Variants in CTSK observed in about 807,000 individuals in gnomAD.
CTSK encodes the protein cathepsin O.
A neutral mutation model predicts 40.5 loss-of-function variants in CTSK; 26 were observed. That is an observed-to-expected ratio of 0.64 (90% CI 0.47 to 0.89). The LOEUF (loss-of-function observed/expected upper bound fraction) is 0.89, where lower values mean the gene tolerates loss of function less well. Ranked by LOEUF, CTSK falls within the 40% of genes least tolerant of loss-of-function variation. CTSK has a pLI of 0.00. For synonymous variants in CTSK, 132 were observed against 143.2 expected (o/e 0.92, Z 0.56); for missense variants, 292 against 400.1 (o/e 0.73, Z 2.30).
At chr1:150,806,617 T>G in intron 2 of CTSK, 69 bp downstream of exon 2, 1 of 1,600,948 alleles carries the variant, frequency 6.2e-7, no homozygotes, top group Non-Finnish European at 8.5e-7. Context: ...AAGAAGGGAG[T>G]CTGGAAGCTA....
In CTSK at chr1:150,799,720, C is replaced by T. The variant is rs748344653; in HGVS notation, c.619-11G>A. ...CATACAACTCTCTTCCTGGAAGAAA[C>T]AAGATTGTAATAGGACTAGGACAAA... On this transcript the variant is annotated splice_polypyrimidine_tract_variant and intron_variant, in intron 5 of 7. Coordinates refer to ENST00000271651, the MANE Select transcript of CTSK (RefSeq NM_000396.4). 6.2e-7 allele frequency: 1 copy of T among 1,613,766 alleles called. No homozygotes were observed. The highest frequency in any genetic ancestry group is 8.5e-7 in the Non-Finnish European group (1 of 1,179,850).
At chr1:150,804,339 G>A (rs950348980) in intron 4 of CTSK, 100 bp from the exon 5 acceptor site, 14 of 939,474 alleles carry the variant, frequency 1.5e-5, no homozygotes, top group Non-Finnish European at 2.4e-5. Flanking sequence ...AAAAATTTCA[G>A]CACAAATGTT....
intron 4 of CTSK, among the ~76,000 whole-genome samples, chr1:150,805,604 ACTCCATC>A (rs1293711704): frequency 1.4e-5 from 2 of 139,784 alleles, no homozygotes; most frequent in Non-Finnish European, 3.0e-5. Context: ...GCACCACTGC[ACTCCATC>A]CTGGGCGACA....
chr1:150,806,328 T>C (rs202078506), intron 2 of CTSK, 104 bp from the exon 3 acceptor site: 2 of 1,354,688 alleles, frequency 1.5e-6, no homozygotes, highest in African/African-American at 1.5e-5. Context: ...CATAAAAGTT[T>C]ACAGTTTAGT....
chr1:150,797,258 AG>A (rs1489432049), intron 7 of CTSK, among the ~76,000 whole-genome samples: 1 of 152,176 alleles, frequency 6.6e-6, no homozygotes, highest in Non-Finnish European at 1.5e-5. Flanking sequence ...GCTGAAAAGC[AG>A]TGTGCCTAAC....
At chr1:150,802,233 G>A (rs587744882) in intron 5 of CTSK, among the ~76,000 whole-genome samples, 30 of 147,150 alleles carry the variant, frequency 2.0e-4, no homozygotes, top group Middle Eastern at 3.6e-3. Flanking sequence ...AGCCAAGATC[G>A]CGCCACTGCA....
rs1395637834 is a variant in CTSK, at chr1:150,804,259, A to G, written c.400-20T>C. ...CTGACCCTGAAAGGCATACAGAGAA[A>G]CTATCAATCTTTGCTGTTTACATTT... On this transcript the variant is annotated intron_variant, in intron 4 of 7. Transcript: ENST00000271651. 9 of 1,579,252 alleles carry G rather than the reference A, an allele frequency of 5.7e-6. No homozygotes were observed. The highest frequency in any genetic ancestry group is 7.8e-6 in the Non-Finnish European group (9 of 1,148,214).
chr1:150,796,855 G>A lies in CTSK; in HGVS notation c.934C>T (p.Arg312Ter), dbSNP rs375958814. ...WGNKGYILMA[R>*]NKNNACGIAN... ...ATGCCACAGGCGTTGTTCTTATTTC[G>A]AGCCATGAGGATATATCCTTTGTTT... The change falls in exon 8 of 8, where the codon CGA (arginine) becomes TGA (stop). Residue 312 changes from arginine to a stop codon, truncating the protein, a stop_gained. Coordinates refer to ENST00000271651, the MANE Select transcript of CTSK (RefSeq NM_000396.4). LOFTEE classifies it high-confidence loss of function. 10 of 1,614,008 alleles carry A rather than the reference G, an allele frequency of 6.2e-6. No homozygotes were observed. Among genetic ancestry groups the A allele is most frequent in the African/African-American group, 2.7e-5 (2 of 74,914 alleles).
chr1:150,800,625 A>G, intron 5 of CTSK: 2 of 216,236 alleles, frequency 9.2e-6, no homozygotes, highest in Non-Finnish European at 2.0e-5. Context: ...CTTTTCAGCA[A>G]TTCATTTTCC....
chr1:150,797,993 G>A (rs1653907781), intron 7 of CTSK, among the ~76,000 whole-genome samples: 2 of 152,170 alleles, frequency 1.3e-5, no homozygotes, highest in Admixed American at 1.3e-4. Flanking sequence ...CAGCGACCCA[G>A]AGTCTAGGGC....
At chr1:150,800,057 C>T (rs587644784) in intron 5 of CTSK, among the ~76,000 whole-genome samples, 5 of 151,958 alleles carry the variant, frequency 3.3e-5, no homozygotes, top group Admixed American at 6.6e-5. Context: ...ATTAGCCAGG[C>T]GTGGTAGCGG....
intron 5 of CTSK, 56 bp downstream of exon 5, chr1:150,803,965 T>G: frequency 7.1e-7 from 1 of 1,400,146 alleles, no homozygotes; most frequent in African/African-American, 1.4e-5. Context: ...GTACAAAACA[T>G]CATGCTGGGG....
chr1:150,796,522 A>G lies in CTSK; in HGVS notation c.*277T>C, dbSNP rs891099345. On this transcript the variant is annotated 3_prime_UTR_variant, in exon 8 of 8. Coordinates refer to ENST00000271651, the MANE Select transcript of CTSK (RefSeq NM_000396.4). ...ACCTGTACAGCATCAGCCCTGGGAC[A>G]ACACAGTCAGGGGCAGGCTGTAGTC... is the stretch of plus-strand genomic sequence containing the variant. 9 of 557,378 alleles carry G rather than the reference A, an allele frequency of 1.6e-5. No homozygotes were observed. In the East Asian group the frequency reaches 2.5e-4, roughly 16 times the overall value. The allele number at this position is 557,378 out of a possible 1,614,324, so 34.5% of individuals were successfully genotyped here.
intron 4 of CTSK, among the ~76,000 whole-genome samples, chr1:150,804,821 A>G (rs1654054892): frequency 1.3e-5 from 2 of 152,258 alleles, no homozygotes; most frequent in South Asian, 4.2e-4. Context: ...TTGTTAAATG[A>G]ACGTTAAATC....
At chr1:150,807,780 AC>A (rs1379166894) in intron 1 of CTSK, among the ~76,000 whole-genome samples, 5 of 152,186 alleles carry the variant, frequency 3.3e-5, no homozygotes, top group Non-Finnish European at 7.3e-5. Flanking sequence ...AATTTTGCAA[AC>A]TGGCAAAATG....
chr1:150,799,084 A>C, intron 7 of CTSK, 84 bp downstream of exon 7: 1 of 927,634 alleles, frequency 1.1e-6, no homozygotes, highest in Non-Finnish European at 1.8e-6. Flanking sequence ...GATTTGGGAC[A>C]GAGAAAGGAA....
intron 1 of CTSK, chr1:150,807,381 C>T: frequency 2.1e-6 from 1 of 471,168 alleles, no homozygotes; most frequent in South Asian, 1.5e-5. Context: ...ACAATGTTTC[C>T]TGTTTTCTGA....
chr1:150,801,409 G>A (rs587735418), intron 5 of CTSK, among the ~76,000 whole-genome samples: 20 of 151,912 alleles, frequency 1.3e-4, no homozygotes, highest in African/African-American at 3.6e-4. Flanking sequence ...GTGAGCCACC[G>A]TACCTGGCCA....
In CTSK at chr1:150,796,844, G is replaced by A; in HGVS notation, c.945C>T (p.Asn315=). Residue 315 remains asparagine (N), a synonymous_variant, in exon 8 of 8, where the codon AAC becomes AAT. Transcript: ENST00000271651. The part of the protein sequence containing the change: ...KGYILMARNK[N]NACGIANLAS... ...CCAGGTTGGCAATGCCACAGGCGTTGTTCTTATTTCGAGCCATGAGGATAT... is the reference window on the plus strand; with the variant it reads ...CCAGGTTGGCAATGCCACAGGCGTTATTCTTATTTCGAGCCATGAGGATAT... 5 of 1,614,120 alleles carry A rather than the reference G, an allele frequency of 3.1e-6. No homozygotes were observed. The highest frequency in any genetic ancestry group is 4.2e-6 in the Non-Finnish European group (5 of 1,179,998).
Sources: allele counts gnomAD v4.1 joint callset (sites outside exome capture counted in the v4.1 genomes callset), GRCh38; gene constraint gnomAD v4.1.1; transcripts MANE v1.5; gene names NCBI Gene and HGNC (gene_info 2026-07-23, HGNC 2026-07-21).